Variants in WDR27 observed in about 807,000 individuals in gnomAD.
WDR27 encodes the protein WD repeat domain 27.
WDR27 carries 100 observed loss-of-function variants against 114.4 expected under a neutral mutation model. The observed-to-expected ratio is 0.87, with a 90% CI of 0.74 to 1.03. WDR27 has a LOEUF of 1.03. Ranked by LOEUF, WDR27 falls within the 50% of genes least tolerant of loss-of-function variation. The probability of loss-of-function intolerance (pLI) is 0.00; values close to 1 mark genes in which losing one functional copy is unlikely to be tolerated. For synonymous variants in WDR27, 449 were observed against 423.1 expected, an observed-to-expected ratio of 1.06 and a Z score of -0.75; for missense variants, 1,129 against 1,092.9, an observed-to-expected ratio of 1.03 and a Z score of -0.47.
chr6:169,588,103 A>G (rs1051085076), intron 23 of WDR27, among the ~76,000 whole-genome samples: 2 of 152,240 alleles, frequency 1.3e-5, no homozygotes, highest in African/African-American at 4.8e-5. Context: ...AATTTACTGG[A>G]GAGACGAACA....
At chr6:169,626,645 T>C (rs961872525) in intron 21 of WDR27, among the ~76,000 whole-genome samples, 1 of 152,210 alleles carries the variant, frequency 6.6e-6, no homozygotes, top group Non-Finnish European at 1.5e-5. Context: ...ATCACGCCGC[T>C]TTCCACATGA....
At chr6:169,522,024 T>C (rs1242278964) in intron 25 of WDR27, among the ~76,000 whole-genome samples, 2 of 151,972 alleles carry the variant, frequency 1.3e-5, no homozygotes, top group Admixed American at 6.6e-5. Context: ...AATTCTCCAA[T>C]TAAAAGGCAT....
chr6:169,535,218 T>C (rs73792920), intron 25 of WDR27, among the ~76,000 whole-genome samples: 2,489 of 152,296 alleles, frequency 0.016, 64 homozygotes, highest in African/African-American at 0.057. Flanking sequence ...CATTGTTTGA[T>C]ACCTAACAGT....
intron 25 of WDR27, among the ~76,000 whole-genome samples, chr6:169,485,712 C>T (rs529550591): frequency 3.9e-5 from 6 of 152,244 alleles, no homozygotes; most frequent in Middle Eastern, 3.4e-3. Flanking sequence ...TGTACGTGTA[C>T]GTTCACTGCA....
intron 22 of WDR27, among the ~76,000 whole-genome samples, chr6:169,611,486 A>G (rs1162199420): frequency 1.3e-5 from 2 of 151,866 alleles, no homozygotes; most frequent in Non-Finnish European, 2.9e-5. Context: ...TCGTATTTTT[A>G]GTAGAGATGC....
intron 25 of WDR27, among the ~76,000 whole-genome samples, chr6:169,543,164 G>A (rs934331442): frequency 3.9e-5 from 6 of 151,946 alleles, no homozygotes; most frequent in African/African-American, 1.4e-4. Context: ...TTACATATTC[G>A]TTTTATATCT....
intron 22 of WDR27, among the ~76,000 whole-genome samples, chr6:169,608,682 G>A (rs1809805742): frequency 6.6e-6 from 1 of 152,156 alleles, no homozygotes; most frequent in African/African-American, 2.4e-5. Context: ...AGATTTGGGT[G>A]GGGACACAGA....
chr6:169,571,925 A>G lies in WDR27; in HGVS notation c.2645+494T>C, dbSNP rs1236352372. On this transcript the variant is annotated intron_variant, in intron 25 of 25. Transcript: ENST00000448612. Reference sequence around the variant, plus strand: ...ACTGTCTCTCGACAGAGCAATTAACAGAACTATATTCAGAAATAACCCAGA... The same window carrying G: ...ACTGTCTCTCGACAGAGCAATTAACGGAACTATATTCAGAAATAACCCAGA... Among the ~76,000 whole-genome samples, 4 of 152,246 alleles carry G rather than the reference A, an allele frequency of 2.6e-5. No individual in the cohort carries two copies. The East Asian group carries it at 5.8e-4, about 22-fold the overall frequency.
At chr6:169,476,225 C>A (rs1015558371) in intron 25 of WDR27, among the ~76,000 whole-genome samples, 1 of 152,106 alleles carries the variant, frequency 6.6e-6, no homozygotes, top group African/African-American at 2.4e-5. Flanking sequence ...ATAATCTAAG[C>A]CCAGGGCATA....
At chr6:169,667,877 T>C (rs1303703229) in intron 5 of WDR27, 105 bp downstream of exon 5, 4 of 1,107,586 alleles carry the variant, frequency 3.6e-6, no homozygotes, top group South Asian at 1.6e-5. Context: ...AGAAACAACA[T>C]CACTCAGGCG....
At chr6:169,583,300 GGAAAA>G (rs1411460673) in intron 23 of WDR27, among the ~76,000 whole-genome samples, 1 of 56,822 alleles carries the variant, frequency 1.8e-5, no homozygotes, top group Non-Finnish European at 6.2e-5. Context: ...CAAATTGAAT[GGAAAA>G]AAAAAAAAAA....
chr6:169,452,241 TCA>T (rs1296209913), downstream of WDR27, among the ~76,000 whole-genome samples: 2 of 152,232 alleles, frequency 1.3e-5, no homozygotes, highest in Non-Finnish European at 2.9e-5. Context: ...CACGCCTTAC[TCA>T]CTGCGGCTGG....
intron 25 of WDR27, among the ~76,000 whole-genome samples, chr6:169,477,866 T>C (rs1787398431): frequency 6.6e-6 from 1 of 152,164 alleles, no homozygotes; most frequent in Non-Finnish European, 1.5e-5. Flanking sequence ...AGCAGCTTCA[T>C]TCATAATAGA....
At chr6:169,528,150 T>C (rs1224637841) in intron 25 of WDR27, among the ~76,000 whole-genome samples, 1 of 152,176 alleles carries the variant, frequency 6.6e-6, no homozygotes, top group Non-Finnish European at 1.5e-5. Context: ...CAATGTAAAG[T>C]TAGAAACATA....
chr6:169,594,764 T>C (rs1205150885), intron 23 of WDR27, among the ~76,000 whole-genome samples: 1 of 152,278 alleles, frequency 6.6e-6, no homozygotes, highest in African/African-American at 2.4e-5. Flanking sequence ...TTCACATCTC[T>C]TCTCTTTATC....
intron 22 of WDR27, among the ~76,000 whole-genome samples, chr6:169,607,432 T>C (rs893077373): frequency 5.5e-5 from 7 of 127,440 alleles, no homozygotes; most frequent in East Asian, 2.0e-4. Flanking sequence ...ACATATAATA[T>C]AATATTATTC....
chr6:169,589,834 G>C (rs1475585050), intron 23 of WDR27, among the ~76,000 whole-genome samples: 1 of 152,120 alleles, frequency 6.6e-6, no homozygotes, highest in Non-Finnish European at 1.5e-5. Flanking sequence ...TTAATTAGAG[G>C]TACTCACTGG....
At chr6:169,441,590 A>T in the WDR27 span, among the ~76,000 whole-genome samples, 1 of 152,146 alleles carries the variant, frequency 6.6e-6, no homozygotes, top group Non-Finnish European at 1.5e-5. Flanking sequence ...ACTTGCTGCA[A>T]CCTTAAGGCC....
chr6:169,635,242 G>A (rs1219226871), intron 19 of WDR27, among the ~76,000 whole-genome samples: 1 of 151,892 alleles, frequency 6.6e-6, no homozygotes, highest in Non-Finnish European at 1.5e-5. Flanking sequence ...TGGGGGGCAG[G>A]TGGGGGAAGG....
Sources: allele counts gnomAD v4.1 joint callset (sites outside exome capture counted in the v4.1 genomes callset), GRCh38; gene constraint gnomAD v4.1.1; transcripts MANE v1.5; gene names NCBI Gene and HGNC (gene_info 2026-07-23, HGNC 2026-07-21).